The following NCKAP1 variants were observed in gnomAD, a reference collection of about 807,000 sequenced individuals.
NCKAP1 encodes NCK associated protein 1.
NCKAP1 carries 21 observed loss-of-function variants against 151.2 expected under a neutral mutation model. That is an observed-to-expected ratio of 0.14 (90% CI 0.10 to 0.20). The LOEUF is 0.20. Ranked by LOEUF, NCKAP1 falls within the 10% of genes least tolerant of loss-of-function variation. The pLI is 1.00. For missense variants in NCKAP1, 933 were observed against 1,352.1 expected, an observed-to-expected ratio of 0.69 and a Z score of 4.86; for synonymous variants, 484 against 451.8, an observed-to-expected ratio of 1.07 and a Z score of -0.90.
rs749111674 is a variant in NCKAP1, at chr2:183,002,970, T to A, written c.369+4A>T. ...TTGGACATTTTTCTGAAAATGATAC[T>A]TACAATATCAAAGAAGACTTGGCAA... On this transcript the variant is annotated splice_donor_region_variant and intron_variant, in intron 4 of 30. Transcript: ENST00000361354. 1.9e-5 allele frequency: 31 copies of A among 1,604,090 alleles called. No individual in the cohort carries two copies. The African/African-American group carries it at 3.5e-4, about 18-fold the overall frequency.
chr2:183,016,669 G>A (rs1263864416), intron 2 of NCKAP1, among the ~76,000 whole-genome samples: 2 of 152,156 alleles, frequency 1.3e-5, no homozygotes, highest in Non-Finnish European at 2.9e-5. Context: ...TTATTTGTTG[G>A]CCTACTACAT....
At chr2:182,946,613 A>T (rs1697112259) in intron 23 of NCKAP1, among the ~76,000 whole-genome samples, 1 of 151,902 alleles carries the variant, frequency 6.6e-6, no homozygotes, top group African/African-American at 2.4e-5. Flanking sequence ...GAAAAAAAAA[A>T]TGCTCAAACA....
chr2:183,033,466 T>C (rs1318711181), intron 1 of NCKAP1, among the ~76,000 whole-genome samples: 1 of 152,184 alleles, frequency 6.6e-6, no homozygotes, highest in Non-Finnish European at 1.5e-5. Flanking sequence ...ACAATCCTAC[T>C]TACACACTGC....
intron 15 of NCKAP1, among the ~76,000 whole-genome samples, chr2:182,972,384 A>G (rs1432129661): frequency 1.3e-5 from 2 of 152,166 alleles, no homozygotes; most frequent in Non-Finnish European, 2.9e-5. Flanking sequence ...ACATCATCTC[A>G]CCCCAGTTAA....
At chr2:183,024,031 TA>T in intron 1 of NCKAP1, 115 bp from the exon 2 acceptor site, 1 of 767,104 alleles carries the variant, frequency 1.3e-6, no homozygotes, top group African/African-American at 1.8e-5. Context: ...GAGCAGGTGA[TA>T]AAATGAATAG....
chr2:182,980,045 T>G (rs1273714103), intron 13 of NCKAP1, among the ~76,000 whole-genome samples: 1 of 152,108 alleles, frequency 6.6e-6, no homozygotes, highest in Non-Finnish European at 1.5e-5. Flanking sequence ...AAAAATAGAT[T>G]AAGTAATTCA....
At chr2:182,958,992 A>C (rs1294729516) in intron 18 of NCKAP1, among the ~76,000 whole-genome samples, 2 of 152,194 alleles carry the variant, frequency 1.3e-5, no homozygotes, top group Non-Finnish European at 2.9e-5. Context: ...ATAGGGTTGA[A>C]TCATTGTTTT....
chr2:182,963,101 A>T (rs1697491480), intron 17 of NCKAP1, among the ~76,000 whole-genome samples: 1 of 152,082 alleles, frequency 6.6e-6, no homozygotes, highest in African/African-American at 2.4e-5. Flanking sequence ...ATATAAAAAT[A>T]CTTGAGCATA....
chr2:182,945,633 G>A (rs1257148957), intron 23 of NCKAP1, among the ~76,000 whole-genome samples: 2 of 152,056 alleles, frequency 1.3e-5, no homozygotes, highest in Non-Finnish European at 2.9e-5. Context: ...TTTTAGAAAT[G>A]TTTCCTATCA....
rs917799401 is a variant in NCKAP1 at position 182,938,253 on chromosome 2, T to C, written c.2696-2878A>G. ...AATATTGGATAAGGGAAGAGAAAAT[T>C]TGGGATAAAATTTTTCCAATAGTAT... On this transcript the variant is annotated intron_variant, in intron 24 of 30. Transcript: ENST00000361354. 2.0e-5 allele frequency among the ~76,000 whole-genome samples: 3 copies of C among 151,936 alleles called. No homozygotes were observed. The South Asian group carries it at 6.2e-4, about 32-fold the overall frequency.
At position 182,921,862 on chromosome 2, in the gene NCKAP1, G is replaced by A. The variant is rs1006660098; in HGVS notation, c.*3840C>T. 6.6e-6 allele frequency: 1 copy of A among 152,158 alleles called. No homozygotes were observed. The highest frequency in any genetic ancestry group is 2.4e-5 in the African/African-American group (1 of 41,442). 9.4% of individuals were successfully genotyped at this position (152,158 alleles called of 1,614,324 possible). ...TTCTCACTCTGAAAATAATACCAAA[G>A]TAGAGTCAATAAATATTAAATTTCC... On this transcript the variant is annotated 3_prime_UTR_variant, in exon 31 of 31. Transcript: ENST00000361354.
intron 15 of NCKAP1, among the ~76,000 whole-genome samples, chr2:182,969,859 C>A (rs1272687750): frequency 6.6e-6 from 1 of 151,648 alleles, no homozygotes; most frequent in Non-Finnish European, 1.5e-5. Flanking sequence ...AAAGTTAGTT[C>A]TTTGGAAAAA....
chr2:182,934,480 T>C, intron 26 of NCKAP1: 1 of 203,108 alleles, frequency 4.9e-6, no homozygotes, highest in Non-Finnish European at 9.8e-6. Context: ...TATCACCATG[T>C]ATAAACAGCT....
At chr2:182,931,428 T>C (rs546360645) in intron 26 of NCKAP1, among the ~76,000 whole-genome samples, 21 of 152,124 alleles carry the variant, frequency 1.4e-4, no homozygotes, top group African/African-American at 4.3e-4. Flanking sequence ...CGAAGTAAAA[T>C]AGTATAGCTT....
chr2:182,936,577 T>G (rs1696880533), intron 24 of NCKAP1, among the ~76,000 whole-genome samples: 1 of 152,188 alleles, frequency 6.6e-6, no homozygotes, highest in Non-Finnish European at 1.5e-5. Context: ...AAGTTACTAG[T>G]TGAGGAGTAG....
intron 9 of NCKAP1, among the ~76,000 whole-genome samples, chr2:182,986,828 C>T (rs1357537486): frequency 6.6e-6 from 1 of 152,028 alleles, no homozygotes; most frequent in Non-Finnish European, 1.5e-5. Context: ...TTAACATCAG[C>T]TTAAAGATGC....
intron 9 of NCKAP1, among the ~76,000 whole-genome samples, chr2:182,988,196 T>C (rs1342639478): frequency 6.6e-6 from 1 of 152,182 alleles, no homozygotes; most frequent in East Asian, 1.9e-4. Context: ...TACACTAAAA[T>C]GTGGGATATA....
intron 19 of NCKAP1, 199 bp from the exon 20 acceptor site, chr2:182,956,792 T>TTTC (rs1166545816): frequency 4.0e-6 from 2 of 501,270 alleles, no homozygotes; most frequent in African/African-American, 4.0e-5. Flanking sequence ...GCGTCATTTG[T>TTTC]TTCTACCTTT....
intron 2 of NCKAP1, among the ~76,000 whole-genome samples, chr2:183,009,204 T>C (rs1575062761): frequency 1.3e-5 from 2 of 151,940 alleles, no homozygotes; most frequent in African/African-American, 4.8e-5. Context: ...TGAAACTCCA[T>C]CTCTACTAAA....
Sources: gnomAD v4.1 joint callset for allele counts (sites outside exome capture counted in the v4.1 genomes callset) on GRCh38, gnomAD v4.1.1 for gene constraint, MANE v1.5 for transcripts, NCBI Gene and HGNC (gene_info 2026-07-23, HGNC 2026-07-21) for gene names.